AGBL1: variants seen among roughly 807,000 people sequenced by gnomAD.
The protein encoded by AGBL1 is AGBL carboxypeptidase 1.
AGBL1 carries 130 observed loss-of-function variants against 118.9 expected under a neutral mutation model. That is an observed-to-expected ratio of 1.09 (90% CI 0.95 to 1.26). AGBL1 has a LOEUF of 1.26. Ranked by LOEUF, AGBL1 falls within the 50% of genes most tolerant of loss-of-function variation. The probability of loss-of-function intolerance (pLI) is 0.00; values close to 1 mark genes in which losing one functional copy is unlikely to be tolerated. For synonymous variants in AGBL1, 555 were observed against 478.9 expected (o/e 1.16, Z -2.08); for missense variants, 1,584 against 1,298.1 (o/e 1.22, Z -3.38).
At chr15:86,523,237 C>A (rs2142201918) in intron 19 of AGBL1, among the ~76,000 whole-genome samples, 1 of 152,194 alleles carries the variant, frequency 6.6e-6, no homozygotes, top group East Asian at 1.9e-4. Context: ...CCTTCTTTGT[C>A]TGTTCCAGCT....
chr15:86,377,198 C>T (rs1016092963), intron 17 of AGBL1, among the ~76,000 whole-genome samples: 2 of 152,022 alleles, frequency 1.3e-5, no homozygotes, highest in Non-Finnish European at 2.9e-5. Context: ...TGGACCAATG[C>T]CCCAAGAGAT....
At chr15:86,463,223 G>A (rs934618758) in intron 18 of AGBL1, among the ~76,000 whole-genome samples, 17 of 151,600 alleles carry the variant, frequency 1.1e-4, no homozygotes, top group African/African-American at 4.1e-4. Context: ...CTTTTTTGCT[G>A]CATAAATGTC....
Position 86,262,174 on chromosome 15 carries a change from C to T in AGBL1, c.970-604C>T, listed in dbSNP as rs115185159. Among the ~76,000 whole-genome samples the T allele has an allele frequency of 4.2e-3, 611 of 146,342 alleles. 5 individuals carry two copies. The highest frequency in any genetic ancestry group is 0.014 in the African/African-American group (567 of 39,896). ...CTAATCCAAACAGCCTCCCATTCCC[C>T]AGTCTTAGTAACATCATTCTCTTTT... On this transcript the variant is annotated intron_variant, in intron 9 of 22. Coordinates refer to ENST00000614907, the MANE Select transcript of AGBL1 (RefSeq NM_001386094.1).
intron 21 of AGBL1, among the ~76,000 whole-genome samples, chr15:86,643,499 G>T (rs1482601818): frequency 6.6e-6 from 1 of 152,058 alleles, no homozygotes; most frequent in East Asian, 1.9e-4. Flanking sequence ...TACTTTGAAA[G>T]AAATTTTACG....
In AGBL1 at chr15:86,449,238, A is replaced by G. The variant is rs565941132; in HGVS notation, c.2555+51692A>G. ...ACAGTGATAACTGTGCCTGTTTACT[A>G]AGTGCCAGACACTATGCTTAAGCAC... On this transcript the variant is annotated intron_variant, in intron 18 of 22. Transcript: ENST00000614907. Among the ~76,000 whole-genome samples, 79 of 152,328 alleles carry G rather than the reference A, an allele frequency of 5.2e-4. No individual in the cohort carries two copies. The South Asian group carries it at 0.014, about 28-fold the overall frequency.
intron 22 of AGBL1, among the ~76,000 whole-genome samples, chr15:86,768,128 G>A (rs1006824389): frequency 1.1e-4 from 17 of 151,840 alleles, no homozygotes; most frequent in African/African-American, 4.1e-4. Context: ...GTCAATGTGG[G>A]AACATTGCAT....
intron 18 of AGBL1, among the ~76,000 whole-genome samples, chr15:86,468,053 A>G (rs2082429231): frequency 6.6e-6 from 1 of 152,092 alleles, no homozygotes; most frequent in South Asian, 2.1e-4. Context: ...GGGCAGGAAT[A>G]TGACTTAAAT....
intron 5 of AGBL1, among the ~76,000 whole-genome samples, chr15:86,190,767 T>C (rs2077706839): frequency 6.6e-6 from 1 of 152,158 alleles, no homozygotes; most frequent in Admixed American, 6.5e-5. Flanking sequence ...GACATTTATG[T>C]AGAATGAATA....
intron 21 of AGBL1, among the ~76,000 whole-genome samples, chr15:86,585,106 C>T (rs571020124): frequency 6.6e-6 from 1 of 152,240 alleles, no homozygotes; most frequent in Non-Finnish European, 1.5e-5. Flanking sequence ...GTTTTCTAGA[C>T]ATAGAATCAT....
chr15:86,752,112 A>T (rs1457531810), intron 22 of AGBL1, among the ~76,000 whole-genome samples: 1 of 152,046 alleles, frequency 6.6e-6, no homozygotes, highest in Admixed American at 6.6e-5. Flanking sequence ...TCTTAGCAGG[A>T]GTTAATGTAC....
chr15:86,828,001 TGTGATC>T (rs1217757506), intron 22 of AGBL1, among the ~76,000 whole-genome samples: 10 of 141,472 alleles, frequency 7.1e-5, no homozygotes, highest in African/African-American at 2.6e-4. Context: ...AGTGCAGTTG[TGTGATC>T]ATAGTCACTG....
At chr15:86,139,445 A>G (rs1203361203) in intron 1 of AGBL1, among the ~76,000 whole-genome samples, 2 of 152,208 alleles carry the variant, frequency 1.3e-5, no homozygotes, top group African/African-American at 4.8e-5. Flanking sequence ...TCTTTCCATC[A>G]GAACATTTTA....
intron 24 of AGBL1, among the ~76,000 whole-genome samples, chr15:87,025,210 T>A (rs2081713628): frequency 6.6e-6 from 1 of 151,992 alleles, no homozygotes; most frequent in Non-Finnish European, 1.5e-5. Flanking sequence ...GCTGATGATA[T>A]GATTGTTTAC....
intron 21 of AGBL1, among the ~76,000 whole-genome samples, chr15:86,569,741 G>C (rs764604123): frequency 6.6e-6 from 1 of 152,188 alleles, no homozygotes; most frequent in Non-Finnish European, 1.5e-5. Flanking sequence ...ATGCTAATAA[G>C]GTTGCCAGCA....
intron 15 of AGBL1, among the ~76,000 whole-genome samples, chr15:86,273,208 T>G (rs890615791): frequency 1.3e-5 from 2 of 152,162 alleles, no homozygotes; most frequent in African/African-American, 4.8e-5. Context: ...GACCACGTAT[T>G]TCCCACAAGA....
At chr15:86,880,607 T>C (rs1380257933) in intron 22 of AGBL1, among the ~76,000 whole-genome samples, 3 of 152,174 alleles carry the variant, frequency 2.0e-5, no homozygotes, top group Admixed American at 6.5e-5. Flanking sequence ...TGTGTGCATA[T>C]ACATGTGCAC....
chr15:86,088,866 C>T (rs749908922), intron 1 of AGBL1, among the ~76,000 whole-genome samples: 15 of 152,162 alleles, frequency 9.9e-5, no homozygotes, highest in Non-Finnish European at 1.0e-4. Context: ...ATTTACTTGT[C>T]TGCATATTCT....
chr15:86,605,336 C>CT (rs2084560607), intron 21 of AGBL1, among the ~76,000 whole-genome samples: 1 of 151,904 alleles, frequency 6.6e-6, no homozygotes, highest in Admixed American at 6.6e-5. Flanking sequence ...AATCTTACAT[C>CT]TTTAAGTTTT....
intron 22 of AGBL1, among the ~76,000 whole-genome samples, chr15:86,764,515 A>C (rs1234648487): frequency 6.6e-6 from 1 of 152,068 alleles, no homozygotes; most frequent in East Asian, 1.9e-4. Context: ...AAATATTAAC[A>C]TAGGTTATAT....
Sources: allele counts gnomAD v4.1 joint callset (sites outside exome capture counted in the v4.1 genomes callset), GRCh38; gene constraint gnomAD v4.1.1; transcripts MANE v1.5; gene names NCBI Gene and HGNC (gene_info 2026-07-23, HGNC 2026-07-21).